The following DLGAP2 variants were observed in gnomAD, a reference collection of about 807,000 sequenced individuals.
The protein encoded by DLGAP2 is disks large-associated protein 2.
DLGAP2 carries 26 observed loss-of-function variants against 100.3 expected under a neutral mutation model. That is an observed-to-expected ratio of 0.26 (90% CI 0.19 to 0.36). DLGAP2 has a LOEUF of 0.36. DLGAP2 is among the 10% of genes least tolerant of loss of function. The pLI, the probability that DLGAP2 is intolerant of heterozygous loss-of-function variation, is 1.00. For synonymous variants in DLGAP2, 886 were observed against 630.1 expected (o/e 1.41, Z -6.08); for missense variants, 1,858 against 1,453.2 (o/e 1.28, Z -4.53).
At chr8:1,304,749 C>T (rs1800450504) in intron 3 of DLGAP2, among the ~76,000 whole-genome samples, 1 of 152,062 alleles carries the variant, frequency 6.6e-6, no homozygotes, top group African/African-American at 2.4e-5. Context: ...AGCTAAGTAC[C>T]CCTTGCTACA....
chr8:1,028,875 A>G (rs1801894060), intron 2 of DLGAP2, among the ~76,000 whole-genome samples: 1 of 152,160 alleles, frequency 6.6e-6, no homozygotes, highest in Non-Finnish European at 1.5e-5. Flanking sequence ...AGGGAGGACA[A>G]TGGCGGGATG....
At chr8:860,964 G>A (rs990699369) in intron 1 of DLGAP2, among the ~76,000 whole-genome samples, 13 of 152,148 alleles carry the variant, frequency 8.5e-5, no homozygotes, top group African/African-American at 2.4e-4. Flanking sequence ...AGCCGTGCCT[G>A]TCCCCTGCTG....
chr8:1,323,071 C>T (rs1365977989), intron 3 of DLGAP2, among the ~76,000 whole-genome samples: 2 of 150,838 alleles, frequency 1.3e-5, no homozygotes, highest in African/African-American at 4.9e-5. Flanking sequence ...CGCTCTGTTA[C>T]CCAGACTGGA....
intron 8 of DLGAP2, among the ~76,000 whole-genome samples, chr8:1,644,485 G>T (rs922805756): frequency 9.2e-5 from 14 of 152,316 alleles, no homozygotes; most frequent in African/African-American, 3.1e-4. Flanking sequence ...TTGAGTTTCT[G>T]CCTGAGTCCT....
chr8:1,280,593 T>C (rs1317220231), intron 3 of DLGAP2, among the ~76,000 whole-genome samples: 1 of 152,164 alleles, frequency 6.6e-6, no homozygotes, highest in Admixed American at 6.5e-5. Flanking sequence ...GATGTGTGTC[T>C]TGAGGAGTAA....
chr8:778,595 G>T (rs965958811), intron 1 of DLGAP2, among the ~76,000 whole-genome samples: 3 of 152,128 alleles, frequency 2.0e-5, no homozygotes, highest in African/African-American at 7.2e-5. Flanking sequence ...GTCTTTTGGA[G>T]TACCCTGCCC....
intron 2 of DLGAP2, among the ~76,000 whole-genome samples, chr8:1,051,688 G>A (rs1802717293): frequency 6.6e-6 from 1 of 152,060 alleles, no homozygotes; most frequent in Admixed American, 6.5e-5. Flanking sequence ...TCACAGTTTA[G>A]ACTCACGGAA....
intron 4 of DLGAP2, among the ~76,000 whole-genome samples, chr8:1,507,776 C>G (rs1799981191): frequency 6.6e-6 from 1 of 152,022 alleles, no homozygotes; most frequent in African/African-American, 2.4e-5. Flanking sequence ...TCCTCCTTCA[C>G]CCACGACCCT....
intron 3 of DLGAP2, among the ~76,000 whole-genome samples, chr8:1,311,378 G>C (rs1585247173): frequency 1.3e-5 from 2 of 152,140 alleles, no homozygotes; most frequent in South Asian, 4.1e-4. Context: ...CAAATCCACA[G>C]ACCCTTCCAA....
chr8:1,344,910 G>A (rs1232351972), intron 3 of DLGAP2, among the ~76,000 whole-genome samples: 7 of 152,252 alleles, frequency 4.6e-5, no homozygotes, highest in Non-Finnish European at 7.3e-5. Flanking sequence ...TTCCACTTCC[G>A]GTCAAAGGAC....
At chr8:1,195,651 A>G (rs1475016286) in intron 2 of DLGAP2, among the ~76,000 whole-genome samples, 2 of 152,146 alleles carry the variant, frequency 1.3e-5, no homozygotes, top group African/African-American at 2.4e-5. Context: ...ATTATCTTCC[A>G]AAGGATTCTC....
At chr8:1,098,011 G>A (rs909411571) in intron 2 of DLGAP2, among the ~76,000 whole-genome samples, 1 of 152,262 alleles carries the variant, frequency 6.6e-6, no homozygotes, top group Non-Finnish European at 1.5e-5. Context: ...CATGGCCTTC[G>A]ACATTTCTGC....
chr8:1,116,820 A>AG (rs911021783), intron 2 of DLGAP2, among the ~76,000 whole-genome samples: 2 of 152,154 alleles, frequency 1.3e-5, no homozygotes, highest in African/African-American at 4.8e-5. Flanking sequence ...AGAAAAAAAA[A>AG]GAGAATATTC....
At chr8:1,389,573 G>A (rs976513018) in intron 3 of DLGAP2, among the ~76,000 whole-genome samples, 1 of 152,190 alleles carries the variant, frequency 6.6e-6, no homozygotes, top group African/African-American at 2.4e-5. Context: ...AATCTGCACA[G>A]TTCTTTGATT....
In DLGAP2 at chr8:1,464,363, C is replaced by G. The variant is rs1563164967; in HGVS notation, c.107-37003C>G. On this transcript the variant is annotated intron_variant, in intron 3 of 14. Transcript: ENST00000637795. ...CTTCCAGGACGGCACCCTTCCAGGA[C>G]AACGCCCTTCCAGGATGGCACCCTT... 2.2e-5 allele frequency among the ~76,000 whole-genome samples: 2 copies of G among 91,848 alleles called. 1 individual carries two copies. Among genetic ancestry groups the G allele is most frequent in the South Asian group, 7.4e-4 (2 of 2,694 alleles). 60.3% of individuals were successfully genotyped at this position (91,848 alleles called of 152,430 possible). A position where few individuals can be genotyped will look rare whatever the true frequency, so the allele number is the denominator to read the frequency against.
At chr8:1,162,157 A>C (rs1796905432) in intron 2 of DLGAP2, among the ~76,000 whole-genome samples, 1 of 152,246 alleles carries the variant, frequency 6.6e-6, no homozygotes, top group African/African-American at 2.4e-5. Flanking sequence ...CCCTCCCGGC[A>C]GCAGGGGCGG....
chr8:1,201,781 C>A (rs373633250), intron 2 of DLGAP2, among the ~76,000 whole-genome samples: 4 of 152,196 alleles, frequency 2.6e-5, no homozygotes, highest in East Asian at 3.9e-4. Flanking sequence ...AGGCAGCATC[C>A]GCAGACACAC....
intron 2 of DLGAP2, among the ~76,000 whole-genome samples, chr8:914,155 C>T (rs1054618219): frequency 2.0e-5 from 3 of 152,192 alleles, no homozygotes; most frequent in East Asian, 1.9e-4. Context: ...TCAAGTTGTG[C>T]GAACAGAATT....
intron 3 of DLGAP2, among the ~76,000 whole-genome samples, chr8:1,383,796 A>G (rs1205373277): frequency 4.6e-5 from 7 of 152,220 alleles, no homozygotes; most frequent in Admixed American, 4.6e-4. Context: ...TCCTGGTCAG[A>G]TGACCACCAG....
Sources: gnomAD v4.1 joint callset for allele counts (sites outside exome capture counted in the v4.1 genomes callset) on GRCh38, gnomAD v4.1.1 for gene constraint, MANE v1.5 for transcripts, NCBI Gene and HGNC (gene_info 2026-07-23, HGNC 2026-07-21) for gene names.